Variants in TMEM164 observed in about 807,000 individuals in gnomAD.
TMEM164 encodes the protein transmembrane protein 164.
Under a neutral mutation model 18.8 loss-of-function variants are expected in TMEM164, and 4 were observed. The ratio of observed to expected loss-of-function variants is 0.21; its 90% CI spans 0.10 to 0.49. The LOEUF (loss-of-function observed/expected upper bound fraction) is 0.49. TMEM164 is among the 20% of genes least tolerant of loss of function. The probability of loss-of-function intolerance (pLI) is 0.98; values close to 1 mark genes in which losing one functional copy is unlikely to be tolerated. For missense variants in TMEM164, 108 were observed against 239.9 expected (o/e 0.45, Z 3.63); for synonymous variants, 86 against 101.7 (o/e 0.85, Z 0.93).
At chrX:110,007,897 T>G (rs1932806745) in intron 2 of TMEM164, among the ~76,000 whole-genome samples, 1 of 112,150 alleles carries the variant, frequency 8.9e-6, no homozygotes, top group African/African-American at 3.2e-5. Flanking sequence ...CAGAACTTAG[T>G]GGGGTGAAGC....
chrX:110,069,117 A>G (rs1462259815), intron 3 of TMEM164, among the ~76,000 whole-genome samples: 4 of 111,599 alleles, frequency 3.6e-5, no homozygotes, highest in Non-Finnish European at 7.5e-5. Context: ...ATGATTTTGT[A>G]TATACCCTTA....
chrX:110,111,396 C>A (rs1301437180), intron 4 of TMEM164, among the ~76,000 whole-genome samples: 1 of 112,629 alleles, frequency 8.9e-6, no homozygotes, highest in Non-Finnish European at 1.9e-5. Context: ...CCTGCTAGGG[C>A]AGAAAAGTAG....
At chrX:110,017,444 T>TTCTTTCTTTTCTTTCTC (rs1182465665) in intron 2 of TMEM164, among the ~76,000 whole-genome samples, 1 of 43,016 alleles carries the variant, frequency 2.3e-5, no homozygotes, top group Non-Finnish European at 4.3e-5. Context: ...CTTTCTTTCT[T>TTCTTTCTTTTCTTTCTC]TCTCTCTCTC....
At chrX:110,060,266 G>GAAAAAAAAAAAAAAAAA in intron 2 of TMEM164, among the ~76,000 whole-genome samples, 1 of 51,478 alleles carries the variant, frequency 1.9e-5, no homozygotes, top group Non-Finnish European at 3.3e-5. Flanking sequence ...GACCCTGTCT[G>GAAAAAAAAAAAAAAAAA]AAAAAAAAAA....
chrX:110,071,092 G>T (rs965169757), intron 3 of TMEM164, among the ~76,000 whole-genome samples: 4 of 110,576 alleles, frequency 3.6e-5, no homozygotes, highest in Non-Finnish European at 7.6e-5. Flanking sequence ...TTTGCTGTTG[G>T]TGTTTGTTAA....
downstream of TMEM164, among the ~76,000 whole-genome samples, chrX:110,180,344 G>T (rs1210599227): frequency 8.9e-6 from 1 of 112,460 alleles, no homozygotes; most frequent in African/African-American, 3.2e-5. Flanking sequence ...GTCCTGGTTT[G>T]CCAGTGCCAG....
chrX:110,081,417 C>T (rs1353330019), intron 3 of TMEM164, among the ~76,000 whole-genome samples: 1 of 111,229 alleles, frequency 9.0e-6, no homozygotes, highest in Non-Finnish European at 1.9e-5. Context: ...TTTATTTAAT[C>T]CTTCTAACAA....
intron 4 of TMEM164, among the ~76,000 whole-genome samples, chrX:110,118,930 C>T (rs1304040224): frequency 9.0e-6 from 1 of 111,613 alleles, no homozygotes; most frequent in Non-Finnish European, 1.9e-5. Context: ...TGGTAGATAT[C>T]TATAGATAGA....
intron 4 of TMEM164, among the ~76,000 whole-genome samples, chrX:110,129,949 C>A (rs768836246): frequency 1.1e-4 from 12 of 112,170 alleles, no homozygotes; most frequent in Non-Finnish European, 1.7e-4. Flanking sequence ...CCTTTTAAGC[C>A]CTAGAAATTA....
intron 2 of TMEM164, among the ~76,000 whole-genome samples, chrX:110,027,709 G>A (rs192689174): frequency 3.7e-3 from 410 of 110,429 alleles, no homozygotes; most frequent in Non-Finnish European, 5.4e-3. Context: ...GCAGTGAGCC[G>A]AGGTCATGCC....
At position 110,146,981 on chromosome X, in the gene TMEM164, A is replaced by G. The variant is rs192783777; in HGVS notation, c.586+2105A>G. ...TAGCAATTTTTACCCAGTACAAGAC[A>G]GCTCTCCTATAGGTATCTCCCATGC... is the stretch of plus-strand genomic sequence containing the variant. On this transcript the variant is annotated intron_variant, in intron 5 of 6. Transcript: ENST00000372068. Among the ~76,000 whole-genome samples, 5 of 112,429 alleles carry G rather than the reference A, an allele frequency of 4.4e-5. No homozygotes were observed. The East Asian group carries it at 1.4e-3, about 32-fold the overall frequency.
At chrX:110,106,188 T>C (rs956741967) in intron 3 of TMEM164, among the ~76,000 whole-genome samples, 2 of 111,570 alleles carry the variant, frequency 1.8e-5, no homozygotes, top group African/African-American at 6.5e-5. Flanking sequence ...TGCTTGTCTT[T>C]ATCTAGGGAC....
Position 110,039,063 on chromosome X carries a change from A to C in TMEM164, c.391-28284A>C, listed in dbSNP as rs1339376093. 3.6e-5 allele frequency among the ~76,000 whole-genome samples: 4 copies of C among 111,584 alleles called. No individual in the cohort carries two copies. The East Asian group carries it at 1.1e-3, about 31-fold the overall frequency. On this transcript the variant is annotated intron_variant, in intron 2 of 6. Transcript: ENST00000372068. ...TGTTTGAACTTGGGGAAGTTTCTTA[A>C]TTTCTTTGAACCTCAGTTTACTTGT...
intron 3 of TMEM164, among the ~76,000 whole-genome samples, chrX:110,102,702 G>T (rs996665924): frequency 8.9e-6 from 1 of 111,899 alleles, no homozygotes; most frequent in Non-Finnish European, 1.9e-5. Flanking sequence ...AACCCTTTCA[G>T]TAGGTACTCT....
chrX:110,094,621 A>C (rs773136913), intron 3 of TMEM164, among the ~76,000 whole-genome samples: 5 of 110,828 alleles, frequency 4.5e-5, no homozygotes, highest in East Asian at 5.6e-4. Flanking sequence ...ATGGGTCTTG[A>C]CTCTTTATCC....
chrX:110,106,762 G>A (rs1022103640), intron 3 of TMEM164, among the ~76,000 whole-genome samples: 2 of 111,793 alleles, frequency 1.8e-5, no homozygotes, highest in African/African-American at 6.5e-5. Context: ...CACATAGGAG[G>A]GCCCAGGGGC....
chrX:110,102,016 A>C (rs1440738572), intron 3 of TMEM164, among the ~76,000 whole-genome samples: 1 of 107,740 alleles, frequency 9.3e-6, no homozygotes, highest in South Asian at 4.1e-4. Context: ...ATTTGAGACC[A>C]TTCTTTTTGC....
At chrX:110,093,096 G>A (rs1323697058) in intron 3 of TMEM164, among the ~76,000 whole-genome samples, 1 of 111,799 alleles carries the variant, frequency 8.9e-6, no homozygotes, top group Non-Finnish European at 1.9e-5. Flanking sequence ...TTGATGTGTT[G>A]CTGGATTCGG....
At chrX:110,155,679 T>C (rs1393538101) in intron 5 of TMEM164, among the ~76,000 whole-genome samples, 1 of 111,243 alleles carries the variant, frequency 9.0e-6, no homozygotes, top group Non-Finnish European at 1.9e-5. Flanking sequence ...TGATTTCCCC[T>C]ACCTCCTACC....
Sources: allele counts gnomAD v4.1 joint callset (sites outside exome capture counted in the v4.1 genomes callset), GRCh38; gene constraint gnomAD v4.1.1; transcripts MANE v1.5; gene names NCBI Gene and HGNC (gene_info 2026-07-23, HGNC 2026-07-21).